Variants in OPRL1 observed in about 807,000 individuals in gnomAD.
The protein encoded by OPRL1 is opioid related nociceptin receptor 1, also known as nociceptin receptor.
Under a neutral mutation model 15.5 loss-of-function variants are expected in OPRL1, and 5 were observed. The observed-to-expected ratio is 0.32, with a 90% CI of 0.17 to 0.68. OPRL1 has a LOEUF of 0.68. Among genes scored for constraint, OPRL1 ranks in the 30% least tolerant of loss-of-function variants. OPRL1 has a pLI of 0.72. For missense variants in OPRL1, 406 were observed against 515.3 expected (o/e 0.79, Z 2.05); for synonymous variants, 223 against 230.2 (o/e 0.97, Z 0.28).
intron 1 of OPRL1, among the ~76,000 whole-genome samples, chr20:64,088,194 G>C (rs747721702): frequency 6.6e-6 from 1 of 152,360 alleles, no homozygotes; most frequent in South Asian, 2.1e-4. Flanking sequence ...GGGGTCCTGG[G>C]GTAGGCTTCT....
intron 1 of OPRL1, among the ~76,000 whole-genome samples, chr20:64,086,028 A>G (rs1344257129): frequency 6.6e-6 from 1 of 152,148 alleles, no homozygotes; most frequent in Non-Finnish European, 1.5e-5. Flanking sequence ...CTGCAGCACC[A>G]GCTTGGCTTG....
At chr20:64,088,230 T>G (rs2060070405) in intron 1 of OPRL1, among the ~76,000 whole-genome samples, 1 of 152,136 alleles carries the variant, frequency 6.6e-6, no homozygotes, top group African/African-American at 2.4e-5. Context: ...TGGAGCTGGC[T>G]GGGGTGGGGC....
rs1033236350 is a variant in OPRL1 at position 64,097,195 on chromosome 20, C to T, written c.234-607C>T. 6.6e-6 allele frequency among the ~76,000 whole-genome samples: 1 copy of T among 152,038 alleles called. No individual in the cohort carries two copies. Among genetic ancestry groups the T allele is most frequent in the African/African-American group, 2.4e-5 (1 of 41,360 alleles). On this transcript the variant is annotated intron_variant, in intron 3 of 4. Transcript: ENST00000336866. This position sits in a 1 kb window ranked among gnomAD's most constrained non-coding sequence, Gnocchi z 4.2. ...TATTTAACAAAAATTTATTAATCAC[C>T]AACGATTTTCCCAGCCCTTTCCAGC...
At chr20:64,096,824 TCAC>T (rs1979177057) in intron 3 of OPRL1, among the ~76,000 whole-genome samples, 2 of 37,126 alleles carry the variant, frequency 5.4e-5, no homozygotes, top group African/African-American at 1.0e-4. Flanking sequence ...ACCACCATCA[TCAC>T]CATCATCATC....
rs1316747529 is a variant in OPRL1 at position 64,080,279 on chromosome 20, C to T, written c.-258C>T. The stretch of plus-strand genomic sequence containing the variant: ...TGTGGGACTTCCACGACAGTGGAGG[C>T]ACGAGAGCTGGGCCCCATATGCTGC... On this transcript the variant is annotated 5_prime_UTR_variant, in exon 1 of 5. Transcript: ENST00000336866. 6.6e-6 allele frequency: 1 copy of T among 152,288 alleles called. No individual in the cohort carries two copies. The highest frequency in any genetic ancestry group is 1.5e-5 in the Non-Finnish European group (1 of 68,090). 9.4% of individuals were successfully genotyped at this position (152,288 alleles called of 1,614,324 possible).
At position 64,089,557 on chromosome 20, in the gene OPRL1, TC is replaced by T. The variant is rs1335466442; in HGVS notation, c.-184-2405del. ...TCTCTCTTGATCTCTCCATACTTCC[TC>T]CCCACTCCTTTCCCTTTCCTCCTCC... On this transcript the variant is annotated intron_variant, in intron 1 of 4. Coordinates refer to ENST00000336866, the MANE Select transcript of OPRL1 (RefSeq NM_182647.4). This position sits in a 1 kb window ranked among gnomAD's most constrained non-coding sequence, Gnocchi z 5.5. Among the ~76,000 whole-genome samples, 2 of 152,002 alleles carry T rather than the reference TC, an allele frequency of 1.3e-5. No homozygotes were observed. The highest frequency in any genetic ancestry group is 2.9e-5 in the Non-Finnish European group (2 of 68,002).
intron 1 of OPRL1, among the ~76,000 whole-genome samples, chr20:64,080,958 A>G (rs1206826184): frequency 6.6e-6 from 1 of 152,192 alleles, no homozygotes; most frequent in East Asian, 1.9e-4. Flanking sequence ...ACGGACAAGT[A>G]TCAGTATCTG....
Position 64,083,651 on chromosome 20 carries a change from G to A in OPRL1, c.-185+3299G>A. On this transcript the variant is annotated intron_variant, in intron 1 of 4. Transcript: ENST00000336866. This position sits in a 1 kb window ranked among gnomAD's most constrained non-coding sequence, Gnocchi z 4.9. ...TGCGGCGGCAGGAACAGCTCCAGCC[G>A]GATGGCGGCGCGCGCGGACTTCTGC... 2 of 1,444,360 alleles carry A rather than the reference G, an allele frequency of 1.4e-6. No homozygotes were observed. The highest frequency in any genetic ancestry group is 1.8e-6 in the Non-Finnish European group (2 of 1,104,234). 89.5% of individuals were successfully genotyped at this position (1,444,360 alleles called of 1,614,324 possible). A position where few individuals can be genotyped will look rare whatever the true frequency, so the allele number is the denominator to read the frequency against.
intron 1 of OPRL1, among the ~76,000 whole-genome samples, chr20:64,081,881 G>T (rs1174743736): frequency 6.6e-6 from 1 of 152,234 alleles, no homozygotes; most frequent in Non-Finnish European, 1.5e-5. Flanking sequence ...TGCTGGGTCT[G>T]CTGTGCCTGT....
Position 64,083,055 on chromosome 20 carries a change from G to T in OPRL1, c.-185+2703G>T, listed in dbSNP as rs769509443. 6.6e-6 allele frequency among the ~76,000 whole-genome samples: 1 copy of T among 152,132 alleles called. No homozygotes were observed. The highest frequency in any genetic ancestry group is 2.4e-5 in the African/African-American group (1 of 41,410). On this transcript the variant is annotated intron_variant, in intron 1 of 4. Coordinates refer to ENST00000336866, the MANE Select transcript of OPRL1 (RefSeq NM_182647.4). The surrounding 1 kb of genome is among the most constrained non-coding windows in gnomAD (Gnocchi z 4.9). ...CCCCCTGGTGGGATGACTCGCACTC[G>T]AGACCACTGCAGCCTGAGGCTACCC...
At chr20:64,084,302 AACGTGCGCCCCAGCTCCCGCCCGC>A (rs1367842046) in intron 1 of OPRL1, 1 of 1,300,216 alleles carries the variant, frequency 7.7e-7, no homozygotes, top group East Asian at 3.2e-5. Flanking sequence ...GCAGGGCCCC[AACGTGCGCCCCAGCTCCCGCCCGC>A]TGGGCTCTCC....
Position 64,098,410 on chromosome 20 carries a change from C to G in OPRL1, c.724C>G (p.Leu242Val). 6.2e-7 allele frequency: 1 copy of G among 1,613,666 alleles called. No individual in the cohort carries two copies. Among genetic ancestry groups the G allele is most frequent in the Non-Finnish European group, 8.5e-7 (1 of 1,180,022 alleles). The change falls in exon 5 of 5, where the codon CTC becomes GTC. Residue 242 changes from leucine (L) to valine (V), a missense_variant. Leu to Val is a conservative substitution (Grantham distance 32). Transcript: ENST00000336866. ...CTGCTACAGCCTCATGATCCGGCGG[C>G]TCCGTGGAGTCCGCCTGCTCTCGGG... ...SVCYSLMIRR[L>V]RGVRLLSGSR...
intron 1 of OPRL1, among the ~76,000 whole-genome samples, chr20:64,088,344 G>A (rs1044702126): frequency 1.6e-4 from 25 of 151,888 alleles, no homozygotes; most frequent in African/African-American, 5.8e-4. Flanking sequence ...GGACTTTTAG[G>A]GGGTAACAGG....
chr20:64,098,426 T>C lies in OPRL1; in HGVS notation c.740T>C (p.Leu247Pro), dbSNP rs111600023. The C allele has an allele frequency of 3.7e-5, 59 of 1,613,560 alleles. No individual in the cohort carries two copies. The highest frequency in any genetic ancestry group is 4.9e-5 in the Non-Finnish European group (58 of 1,180,006). Reference protein sequence around the residue: ...LMIRRLRGVRLLSGSREKDRN... With the variant: ...LMIRRLRGVRPLSGSREKDRN... The stretch of plus-strand genomic sequence containing the variant: ...ATCCGGCGGCTCCGTGGAGTCCGCC[T>C]GCTCTCGGGCTCCCGAGAGAAGGAC... Residue 247 changes from leucine (L) to proline (P), a missense_variant, in exon 5 of 5, where the codon CTG becomes CCG. By Grantham distance (98) the Leu-to-Pro change is moderately conservative. Transcript: ENST00000336866.
In OPRL1 at chr20:64,083,886, C is replaced by T. The variant is rs1164568400; in HGVS notation, c.-185+3534C>T. 4.2e-6 allele frequency: 6 copies of T among 1,440,022 alleles called. No individual in the cohort carries two copies. Among genetic ancestry groups the T allele is most frequent in the South Asian group, 1.4e-5 (1 of 73,030 alleles). 89.2% of individuals were successfully genotyped at this position (1,440,022 alleles called of 1,614,324 possible). On this transcript the variant is annotated intron_variant, in intron 1 of 4. Transcript: ENST00000336866. This position sits in a 1 kb window ranked among gnomAD's most constrained non-coding sequence, Gnocchi z 4.9. ...CGGGCCTCCGCTGCCTTGAGGACGC[C>T]GAGGAGCCGGTTCTGGCGCTCGGCG...
At chr20:64,080,611 C>A (rs1276664371) in intron 1 of OPRL1, among the ~76,000 whole-genome samples, 2 of 152,204 alleles carry the variant, frequency 1.3e-5, no homozygotes, top group Non-Finnish European at 2.9e-5. Flanking sequence ...TTGCCACGAA[C>A]GCCCTGTCCC....
Position 64,098,912 on chromosome 20 carries a change from T to A in OPRL1, c.*113T>A. ...GCGGACACACCCTGGGCCCTGAGCA[T>A]CCAGAGCCTGGGATGGGCTTTTCCC... is the stretch of plus-strand genomic sequence containing the variant. On this transcript the variant is annotated 3_prime_UTR_variant, in exon 5 of 5. Coordinates refer to ENST00000336866, the MANE Select transcript of OPRL1 (RefSeq NM_182647.4). The A allele has an allele frequency of 7.3e-7, 1 of 1,374,000 alleles. No homozygotes were observed. The highest frequency in any genetic ancestry group is 9.6e-7 in the Non-Finnish European group (1 of 1,038,976). The allele number at this position is 1,374,000 out of a possible 1,614,324, so 85.1% of individuals were successfully genotyped here.
chr20:64,083,700 C>A lies in OPRL1; in HGVS notation c.-185+3348C>A. The stretch of plus-strand genomic sequence containing the variant: ...GCCGCTGGATGAGCAGCGCGATCTC[C>A]TCGGCCTGCGGGGCCCGGGTAGCTG... On this transcript the variant is annotated intron_variant, in intron 1 of 4. Transcript: ENST00000336866. This position sits in a 1 kb window ranked among gnomAD's most constrained non-coding sequence, Gnocchi z 4.9. 7.2e-7 allele frequency: 1 copy of A among 1,392,328 alleles called. No homozygotes were observed. The highest frequency in any genetic ancestry group is 9.2e-7 in the Non-Finnish European group (1 of 1,081,912). 86.2% of individuals were successfully genotyped at this position (1,392,328 alleles called of 1,614,324 possible). A position where few individuals can be genotyped will look rare whatever the true frequency, so the allele number is the denominator to read the frequency against.
At chr20:64,084,039 G>T in intron 1 of OPRL1, 2 of 1,503,302 alleles carry the variant, frequency 1.3e-6, no homozygotes, top group Non-Finnish European at 1.8e-6. Context: ...AGCAGATGGC[G>T]GTGGCGCTGC....
Sources: gnomAD v4.1 joint callset for allele counts (sites outside exome capture counted in the v4.1 genomes callset) on GRCh38, gnomAD v4.1.1 for gene constraint, Gnocchi (gnomAD v3.1) non-coding constraint, MANE v1.5 for transcripts, NCBI Gene and HGNC (gene_info 2026-07-23, HGNC 2026-07-21) for gene names.